Variants in KCNJ13 observed in about 807,000 individuals in gnomAD.
KCNJ13 encodes potassium inwardly rectifying channel subfamily J member 13.
In KCNJ13, 9 loss-of-function variants were observed where a neutral mutation model predicts 24.6. The ratio of observed to expected loss-of-function variants is 0.37; its 90% CI spans 0.22 to 0.64. The LOEUF (loss-of-function observed/expected upper bound fraction) is 0.64. Among genes scored for constraint, KCNJ13 ranks in the 30% least tolerant of loss-of-function variants. KCNJ13 has a pLI of 0.64. For synonymous variants in KCNJ13, 148 were observed against 154.7 expected, an observed-to-expected ratio of 0.96 and a Z score of 0.32; for missense variants, 337 against 443.8, an observed-to-expected ratio of 0.76 and a Z score of 2.16.
In KCNJ13 at chr2:232,765,876, A is replaced by G. The variant is rs923980084; in HGVS notation, c.*2315T>C. On this transcript the variant is annotated 3_prime_UTR_variant, in exon 3 of 3. Coordinates refer to ENST00000233826, the MANE Select transcript of KCNJ13 (RefSeq NM_002242.4). ...ATGCCTCCAGTTTGTTGAAACTGTC[A>G]TGCTATCTTTATCAGTTTCCAAAGG... 2 of 468,774 alleles carry G rather than the reference A, an allele frequency of 4.3e-6. No homozygotes were observed. Among genetic ancestry groups the G allele is most frequent in the Non-Finnish European group, 4.4e-6 (1 of 225,832 alleles). The allele number at this position is 468,774 out of a possible 1,614,324, so 29.0% of individuals were successfully genotyped here. A position where few individuals can be genotyped will look rare whatever the true frequency, so the allele number is the denominator to read the frequency against.
chr2:232,766,573 A>C lies in KCNJ13; in HGVS notation c.*1618T>G, dbSNP rs1698971699. On this transcript the variant is annotated 3_prime_UTR_variant, in exon 3 of 3. Transcript: ENST00000233826. ...GTGTTACAATAGTCTTGGGTTGGGA[A>C]AATCTGTTGGTCTGATTTCTACTTA... is the stretch of plus-strand genomic sequence containing the variant. The C allele has an allele frequency of 6.6e-6, 1 of 152,324 alleles. No homozygotes were observed. The highest frequency in any genetic ancestry group is 1.5e-5 in the Non-Finnish European group (1 of 68,138). 9.4% of individuals were successfully genotyped at this position (152,324 alleles called of 1,614,324 possible). A position where few individuals can be genotyped will look rare whatever the true frequency, so the allele number is the denominator to read the frequency against.
At chr2:232,776,297 T>C (rs1261951784) in intron 1 of KCNJ13, 148 bp downstream of exon 1, 2 of 537,864 alleles carry the variant, frequency 3.7e-6, no homozygotes, top group South Asian at 6.8e-5. Context: ...GGGAAAAGAA[T>C]ATAGAAACCT....
chr2:232,773,740 C>G (rs1164825238), intron 1 of KCNJ13, among the ~76,000 whole-genome samples: 1 of 151,724 alleles, frequency 6.6e-6, no homozygotes, highest in Non-Finnish European at 1.5e-5. Context: ...TATGTACAAA[C>G]TGATGTGAAG....
At chr2:232,775,210 G>GT (rs1262048279) in intron 1 of KCNJ13, among the ~76,000 whole-genome samples, 2 of 152,122 alleles carry the variant, frequency 1.3e-5, no homozygotes, top group Non-Finnish European at 2.9e-5. Context: ...AGTCAGTGTG[G>GT]TTTAGTGTAG....
chr2:232,775,038 G>T (rs9288676), intron 1 of KCNJ13, among the ~76,000 whole-genome samples: 25,197 of 151,884 alleles, frequency 0.17, 2,629 homozygotes, highest in Non-Finnish European at 0.22. Flanking sequence ...AAGTCAAAAG[G>T]CTGATAATCG....
chr2:232,770,412 G>C (rs559464304), intron 2 of KCNJ13, among the ~76,000 whole-genome samples: 2 of 152,244 alleles, frequency 1.3e-5, no homozygotes, highest in Non-Finnish European at 2.9e-5. Flanking sequence ...TGCTGACTGT[G>C]GTGTTCTGGG....
intron 1 of KCNJ13, among the ~76,000 whole-genome samples, chr2:232,774,869 A>G (rs1037022371): frequency 9.2e-5 from 14 of 152,340 alleles, no homozygotes; most frequent in Middle Eastern, 3.4e-3. Flanking sequence ...GCCTTTCTGT[A>G]TAGACTGTAG....
chr2:232,773,099 T>TA (rs1242143863), intron 1 of KCNJ13, among the ~76,000 whole-genome samples: 3 of 152,196 alleles, frequency 2.0e-5, no homozygotes, highest in Admixed American at 1.3e-4. Flanking sequence ...ATATAGACTT[T>TA]AAAAAATCTT....
intron 1 of KCNJ13, among the ~76,000 whole-genome samples, chr2:232,773,105 AT>A (rs1483795634): frequency 3.3e-5 from 5 of 152,282 alleles, no homozygotes; most frequent in African/African-American, 1.2e-4. Context: ...ACTTTAAAAA[AT>A]CTTAGTGCAT....
intron 1 of KCNJ13, among the ~76,000 whole-genome samples, chr2:232,775,480 G>C (rs184630975): frequency 6.6e-6 from 1 of 152,094 alleles, no homozygotes; most frequent in Non-Finnish European, 1.5e-5. Context: ...ATGTCTGCTC[G>C]TATGGTTTAA....
Position 232,768,160 on chromosome 2 carries a change from T to C in KCNJ13, c.*31A>G. On this transcript the variant is annotated 3_prime_UTR_variant, in exon 3 of 3. Coordinates refer to ENST00000233826, the MANE Select transcript of KCNJ13 (RefSeq NM_002242.4). The stretch of plus-strand genomic sequence containing the variant: ...AAAAGTAGCTGCATAACTGGCTGGG[T>C]GTATTTAATACATTAAAAAATGGAT... The C allele has an allele frequency of 1.2e-6, 2 of 1,609,616 alleles. No homozygotes were observed. Among genetic ancestry groups the C allele is most frequent in the Non-Finnish European group, 1.7e-6 (2 of 1,176,450 alleles).
In KCNJ13 at chr2:232,768,544, A is replaced by G. The variant is rs770861822; in HGVS notation, c.730T>C (p.Tyr244His). The G allele has an allele frequency of 4.3e-6, 7 of 1,614,026 alleles. No homozygotes were observed. In the East Asian group the frequency reaches 1.6e-4, roughly 36 times the overall value. Residue 244 changes from tyrosine to histidine, a missense_variant, in exon 3 of 3, where the codon TAT (tyrosine) becomes CAT (histidine). Physicochemically the swap from Tyr to His is moderately conservative, Grantham distance 83. Around this residue, in one of 3 missense-constraint regions of KCNJ13, gnomAD observed 235 missense variants for 286.9 expected, o/e 0.82. Transcript: ENST00000233826. Reference protein sequence around the residue: ...CPFFIFPLTYYHSITPSSPLA... With the variant: ...CPFFIFPLTYHHSITPSSPLA... ...GGACTTGATGGTGTAATGGAGTGAT[A>G]GTACGTTAGTGGAAAGATGAAGAAT...
rs1801251 is a variant in KCNJ13 at position 232,768,750 on chromosome 2, G to A, written c.524C>T (p.Thr175Ile). 0.36 allele frequency: 571,473 copies of A among 1,600,060 alleles called. 107,286 individuals are homozygous for A. The highest frequency in any genetic ancestry group is 0.63 in the South Asian group (56,723 of 90,468). Residue 175 changes from threonine to isoleucine, a missense_variant, in exon 3 of 3, where the codon ACA becomes ATA. Around this residue, in one of 3 missense-constraint regions of KCNJ13, gnomAD observed 235 missense variants for 286.9 expected, o/e 0.82. Transcript: ENST00000233826. ...NRAFSIRFTD[T>I]AVVAHMDGKP... Reference sequence around the variant, plus strand: ...GCCATCCATGTGAGCTACTACTGCTGTGTCAGTAAAGCGAATTGAAAAAGC... The same window carrying A: ...GCCATCCATGTGAGCTACTACTGCTATGTCAGTAAAGCGAATTGAAAAAGC...
In KCNJ13 at chr2:232,768,714, A is replaced by G; in HGVS notation, c.560T>C (p.Leu187Pro). 6.2e-7 allele frequency: 1 copy of G among 1,602,874 alleles called. No homozygotes were observed. Among genetic ancestry groups the G allele is most frequent in the Non-Finnish European group, 8.5e-7 (1 of 1,171,280 alleles). ...TCGGGTGTTGGCCACTTGGAAGATAAGATTAGGTTTGCCATCCATGTGAGC... is the reference window on the plus strand; with the variant it reads ...TCGGGTGTTGGCCACTTGGAAGATAGGATTAGGTTTGCCATCCATGTGAGC... ...VVAHMDGKPN[L>P]IFQVANTRPS... The change falls in exon 3 of 3, where the codon CTT becomes CCT. Residue 187 changes from leucine to proline, a missense_variant. Around this residue, in one of 3 missense-constraint regions of KCNJ13, gnomAD observed 235 missense variants for 286.9 expected, o/e 0.82. Transcript: ENST00000233826.
intron 1 of KCNJ13, 192 bp from the exon 2 acceptor site, chr2:232,771,570 T>G (rs977500590): frequency 5.8e-6 from 3 of 513,832 alleles, no homozygotes; most frequent in South Asian, 6.7e-5. Flanking sequence ...GTGTGTTACC[T>G]TAAAATATCT....
Position 232,771,243 on chromosome 2 carries a change from A to G in KCNJ13, c.120T>C (p.Tyr40=). The change falls in exon 2 of 3, where the codon TAT becomes TAC. Residue 40 remains tyrosine (Y), a synonymous_variant. Transcript: ENST00000233826. The part of the protein sequence containing the change: ...QMDGAQRGLA[Y]LRDAWGILMD... ...TTAGGATTCCCCAAGCATCTCGAAG[A>G]TATGCAAGACCTCTTTGAGCGCCAT... 1.2e-6 allele frequency: 2 copies of G among 1,610,164 alleles called. No homozygotes were observed. Among genetic ancestry groups the G allele is most frequent in the Non-Finnish European group, 1.7e-6 (2 of 1,177,012 alleles).
In KCNJ13 at chr2:232,768,615, G is replaced by A. The variant is rs1316922533; in HGVS notation, c.659C>T (p.Thr220Ile). ...QERENGKLYQ[T>I]SVDFHLDGIS... ...GCCATCAAGGTGGAAATCCACACTG[G>A]TCTGGTAGAGTTTGCCATTTTCTCT... Residue 220 changes from threonine (T) to isoleucine (I), a missense_variant, in exon 3 of 3, where the codon ACC becomes ATC. By Grantham distance (89) the Thr-to-Ile change is moderately conservative. Transcript: ENST00000233826. 2 of 1,613,996 alleles carry A rather than the reference G, an allele frequency of 1.2e-6. No homozygotes were observed. The highest frequency in any genetic ancestry group is 1.7e-6 in the Non-Finnish European group (2 of 1,179,974).
At position 232,765,924 on chromosome 2, in the gene KCNJ13, G is replaced by A. The variant is rs1487315733; in HGVS notation, c.*2267C>T. On this transcript the variant is annotated 3_prime_UTR_variant, in exon 3 of 3. Transcript: ENST00000233826. ...AGGAACGTTTAAAGTTAGTTCCGAA[G>A]TAGTCTTCCTGATCATGTGTGCAAG... 2.2e-6 allele frequency: 1 copy of A among 454,136 alleles called. No individual in the cohort carries two copies. The highest frequency in any genetic ancestry group is 2.5e-5 in the Admixed American group (1 of 40,094). 28.1% of individuals were successfully genotyped at this position (454,136 alleles called of 1,614,324 possible).
rs151222301 is a variant in KCNJ13 at position 232,770,095 on chromosome 2, A to G, written c.460+808T>C. On this transcript the variant is annotated intron_variant, in intron 2 of 2. Transcript: ENST00000233826. ...TTAATTGTATGCAAAGGACTGACCC[A>G]GTATAGGAACTCTTGTTGTAGAAGT... 6.0e-3 allele frequency among the ~76,000 whole-genome samples: 915 copies of G among 152,320 alleles called. 15 individuals are homozygous for G. The highest frequency in any genetic ancestry group is 0.021 in the African/African-American group (858 of 41,580).
Sources: gnomAD v4.1 joint callset for allele counts (sites outside exome capture counted in the v4.1 genomes callset) on GRCh38, gnomAD v4.1.1 for gene constraint, gnomAD v4.1.1 regional missense constraint, MANE v1.5 for transcripts, NCBI Gene and HGNC (gene_info 2026-07-23, HGNC 2026-07-21) for gene names.